CCSER1: variants seen among roughly 807,000 people sequenced by gnomAD.
CCSER1 encodes serine-rich coiled-coil domain-containing protein 1.
A neutral mutation model predicts 82.0 loss-of-function variants in CCSER1; 41 were observed. That is an observed-to-expected ratio of 0.50 (90% CI 0.39 to 0.65). The LOEUF is 0.65. Among genes scored for constraint, CCSER1 ranks in the 30% least tolerant of loss-of-function variants. The pLI, the probability that CCSER1 is intolerant of heterozygous loss-of-function variation, is 0.00. For missense variants in CCSER1, 1,119 were observed against 1,064.2 expected (o/e 1.05, Z -0.72); for synonymous variants, 414 against 383.9 (o/e 1.08, Z -0.92).
At chr4:90,747,527 T>A (rs1747696876) in intron 7 of CCSER1, among the ~76,000 whole-genome samples, 1 of 152,030 alleles carries the variant, frequency 6.6e-6, no homozygotes, top group Non-Finnish European at 1.5e-5. Context: ...GGTTATGGAA[T>A]TTTCAGTGTT....
intron 10 of CCSER1, among the ~76,000 whole-genome samples, chr4:91,392,774 T>A (rs987470527): frequency 6.6e-6 from 1 of 152,140 alleles, no homozygotes; most frequent in African/African-American, 2.4e-5. Context: ...TGATAAGTTT[T>A]GATTTATTCC....
intron 4 of CCSER1, among the ~76,000 whole-genome samples, chr4:90,429,722 C>T (rs28592613): frequency 0.018 from 2,692 of 151,780 alleles, 34 homozygotes; most frequent in African/African-American, 0.038. Context: ...GACAATTATT[C>T]TGACCATAAA....
intron 9 of CCSER1, among the ~76,000 whole-genome samples, chr4:91,063,002 A>C (rs1744085502): frequency 6.6e-6 from 1 of 152,172 alleles, no homozygotes; most frequent in Admixed American, 6.6e-5. Flanking sequence ...CTATTAGACT[A>C]TGTTGAGAGA....
intron 10 of CCSER1, among the ~76,000 whole-genome samples, chr4:91,460,477 T>C (rs778092949): frequency 6.6e-6 from 1 of 152,220 alleles, no homozygotes; most frequent in Non-Finnish European, 1.5e-5. Context: ...TTAGAAAATA[T>C]AGTCTAGCCC....
intron 10 of CCSER1, among the ~76,000 whole-genome samples, chr4:91,244,549 A>T (rs1560539398): frequency 6.6e-6 from 1 of 152,192 alleles, no homozygotes. Context: ...TAATCCAGAG[A>T]ATTATTCTGG....
At chr4:90,948,419 G>C (rs2150347707) in intron 9 of CCSER1, among the ~76,000 whole-genome samples, 1 of 151,788 alleles carries the variant, frequency 6.6e-6, no homozygotes, top group South Asian at 2.1e-4. Flanking sequence ...CAGAGTTTTA[G>C]AGATACATAT....
chr4:90,949,571 G>A (rs946445598), intron 9 of CCSER1, among the ~76,000 whole-genome samples: 1 of 152,096 alleles, frequency 6.6e-6, no homozygotes, highest in Non-Finnish European at 1.5e-5. Context: ...GTTTTCATGT[G>A]ATATATGAGG....
chr4:90,343,159 ACTTTCT>A (rs1212145213), intron 3 of CCSER1, among the ~76,000 whole-genome samples: 8 of 152,092 alleles, frequency 5.3e-5, no homozygotes, highest in African/African-American at 1.7e-4. Flanking sequence ...TATCTTGCAA[ACTTTCT>A]CTTCTATTTT....
At chr4:90,620,882 C>A (rs1722192921) in intron 5 of CCSER1, among the ~76,000 whole-genome samples, 1 of 152,126 alleles carries the variant, frequency 6.6e-6, no homozygotes, top group Non-Finnish European at 1.5e-5. Context: ...GGCGCGATCT[C>A]AGCTCACTGC....
At chr4:90,924,216 T>C (rs1728767753) in intron 9 of CCSER1, among the ~76,000 whole-genome samples, 1 of 152,198 alleles carries the variant, frequency 6.6e-6, no homozygotes, top group Admixed American at 6.5e-5. Context: ...TTTTTAGCAC[T>C]TTGCTGATAA....
intron 10 of CCSER1, among the ~76,000 whole-genome samples, chr4:91,520,700 GAT>G (rs1760411718): frequency 6.6e-6 from 1 of 152,078 alleles, no homozygotes; most frequent in Non-Finnish European, 1.5e-5. Context: ...CTTCTTGTAA[GAT>G]AGGTCTGCTG....
At chr4:90,482,626 T>G (rs1766235235) in intron 5 of CCSER1, among the ~76,000 whole-genome samples, 1 of 152,220 alleles carries the variant, frequency 6.6e-6, no homozygotes, top group Admixed American at 6.5e-5. Flanking sequence ...CATTTTGTTA[T>G]GTACCCAGTA....
chr4:90,767,978 T>C (rs1751502538), intron 7 of CCSER1, among the ~76,000 whole-genome samples: 1 of 152,222 alleles, frequency 6.6e-6, no homozygotes, highest in Admixed American at 6.5e-5. Flanking sequence ...AATAGGTGTC[T>C]GTGGTAGGCT....
intron 10 of CCSER1, among the ~76,000 whole-genome samples, chr4:91,261,219 C>T (rs975560862): frequency 7.2e-5 from 11 of 152,302 alleles, no homozygotes; most frequent in African/African-American, 2.6e-4. Flanking sequence ...TTCTAAATGC[C>T]TTGCTCCTTA....
chr4:91,502,796 T>C (rs1759281315), intron 10 of CCSER1, among the ~76,000 whole-genome samples: 1 of 152,206 alleles, frequency 6.6e-6, no homozygotes, highest in African/African-American at 2.4e-5. Flanking sequence ...ACACAAGTGC[T>C]CCAAACAGTG....
intron 4 of CCSER1, among the ~76,000 whole-genome samples, chr4:90,418,815 G>A (rs1756210784): frequency 6.6e-6 from 1 of 152,026 alleles, no homozygotes; most frequent in Non-Finnish European, 1.5e-5. Flanking sequence ...AATTAACTAT[G>A]TTTATTTATT....
chr4:90,133,090 AAGCCACTG>A (rs1015815071), intron 1 of CCSER1, among the ~76,000 whole-genome samples: 38 of 152,320 alleles, frequency 2.5e-4, no homozygotes, highest in Non-Finnish European at 4.4e-4. Context: ...TAGAATTTGA[AAGCCACTG>A]ACCTAGAGTA....
intron 4 of CCSER1, among the ~76,000 whole-genome samples, chr4:90,459,275 G>A (rs1050618334): frequency 6.6e-6 from 1 of 152,216 alleles, no homozygotes; most frequent in Non-Finnish European, 1.5e-5. Context: ...ACATCTGTCA[G>A]AGATATTTGG....
At chr4:90,512,451 T>C (rs1177917937) in intron 5 of CCSER1, among the ~76,000 whole-genome samples, 3 of 152,178 alleles carry the variant, frequency 2.0e-5, no homozygotes, top group Non-Finnish European at 2.9e-5. Context: ...ATTTGATGAT[T>C]TATTGTTATG....
Sources: gnomAD v4.1 joint callset for allele counts (sites outside exome capture counted in the v4.1 genomes callset) on GRCh38, gnomAD v4.1.1 for gene constraint, MANE v1.5 for transcripts, NCBI Gene and HGNC (gene_info 2026-07-23, HGNC 2026-07-21) for gene names.